Variants in IL15 observed in about 807,000 individuals in gnomAD.
IL15 encodes interleukin 15, also known as interleukin-15.
A neutral mutation model predicts 19.6 loss-of-function variants in IL15; 11 were observed. The ratio of observed to expected loss-of-function variants is 0.56; its 90% CI spans 0.35 to 0.93. IL15 has a LOEUF of 0.93. Ranked by LOEUF, IL15 falls within the 40% of genes least tolerant of loss-of-function variation. The pLI is 0.01. For missense variants in IL15, 197 were observed against 186.5 expected (o/e 1.06, Z -0.33); for synonymous variants, 58 against 59.6 (o/e 0.97, Z 0.12).
rs540264706 is a variant in IL15 at position 141,660,101 on chromosome 4, T to C, written c.-100+3794T>C. Among the ~76,000 whole-genome samples, 11 of 152,312 alleles carry C rather than the reference T, an allele frequency of 7.2e-5. No homozygotes were observed. In the South Asian group the frequency reaches 2.3e-3, roughly 32 times the overall value. ...CAAGAACCCAGAAAGGCACTATTTG[T>C]ATCAGTTAATCCCTTGAAGGTAGCT... is the stretch of plus-strand genomic sequence containing the variant. On this transcript the variant is annotated intron_variant, in intron 2 of 7. Coordinates refer to ENST00000320650, the MANE Select transcript of IL15 (RefSeq NM_000585.5).
intron 2 of IL15, among the ~76,000 whole-genome samples, chr4:141,678,653 G>A (rs1413052231): frequency 6.8e-6 from 1 of 147,290 alleles, no homozygotes; most frequent in East Asian, 2.0e-4. Context: ...CTAGGCTAGA[G>A]TGCAGTGGCA....
chr4:141,655,506 T>C (rs1398932541), intron 1 of IL15, among the ~76,000 whole-genome samples: 3 of 152,148 alleles, frequency 2.0e-5, no homozygotes, highest in African/African-American at 7.2e-5. Flanking sequence ...TCTTGGATCA[T>C]ACTGAAATTT....
intron 5 of IL15, 59 bp downstream of exon 5, chr4:141,722,067 C>G: frequency 6.8e-7 from 1 of 1,461,706 alleles, no homozygotes; most frequent in Non-Finnish European, 9.2e-7. Context: ...TTGTCTCTCT[C>G]TGTGTTTTTC....
At chr4:141,660,137 A>T in intron 2 of IL15, among the ~76,000 whole-genome samples, 1 of 152,050 alleles carries the variant, frequency 6.6e-6, no homozygotes, top group Admixed American at 6.5e-5. Context: ...TTTATTTTGG[A>T]TAGTCAACTG....
At chr4:141,698,728 C>G (rs1729184008) in intron 2 of IL15, among the ~76,000 whole-genome samples, 1 of 151,926 alleles carries the variant, frequency 6.6e-6, no homozygotes, top group Non-Finnish European at 1.5e-5. Context: ...CGTCTCTCTT[C>G]TTGGTTAATC....
At chr4:141,672,663 T>G (rs1415947521) in intron 2 of IL15, among the ~76,000 whole-genome samples, 1 of 152,154 alleles carries the variant, frequency 6.6e-6, no homozygotes, top group Non-Finnish European at 1.5e-5. Context: ...GAATCCTACT[T>G]TGAAAAATAT....
chr4:141,648,312 A>C (rs949581272), intron 1 of IL15, among the ~76,000 whole-genome samples: 6 of 152,084 alleles, frequency 3.9e-5, no homozygotes, highest in African/African-American at 1.4e-4. Context: ...ACGTTTGTTT[A>C]ATATTTTGTG....
At chr4:141,713,757 C>T (rs758281480) in intron 2 of IL15, among the ~76,000 whole-genome samples, 7 of 152,184 alleles carry the variant, frequency 4.6e-5, no homozygotes, top group Non-Finnish European at 1.0e-4. Flanking sequence ...TCACGTAACA[C>T]TACCTTTATG....
chr4:141,724,404 A>G (rs1192682031), intron 5 of IL15, among the ~76,000 whole-genome samples: 1 of 152,116 alleles, frequency 6.6e-6, no homozygotes, highest in African/African-American at 2.4e-5. Flanking sequence ...TACTGCTTCA[A>G]GAAACTAGAA....
chr4:141,730,996 G>C (rs945867214), intron 7 of IL15, among the ~76,000 whole-genome samples: 1 of 152,122 alleles, frequency 6.6e-6, no homozygotes, highest in Non-Finnish European at 1.5e-5. Context: ...GGGCACTGGG[G>C]CTCCAGTTAG....
At position 141,729,981 on chromosome 4, in the gene IL15, TG is replaced by T; in HGVS notation, c.378+1del. The T allele has an allele frequency of 6.2e-7, 1 of 1,609,462 alleles. No individual in the cohort carries two copies. Among genetic ancestry groups the T allele is most frequent in the Non-Finnish European group, 8.5e-7 (1 of 1,176,150 alleles). ...ILANNSLSSNGNVTESGCKEC... is the reference protein window; with the variant it reads ...ILANNSLSSNXNVTESGCKEC... ...TAGCAAACAACAGTTTGTCTTCTAATGGGGTGAGTTTTCCAACAGTTGCTTA... is the reference window on the plus strand; with the variant it reads ...TAGCAAACAACAGTTTGTCTTCTAATGGGTGAGTTTTCCAACAGTTGCTTA... On this transcript the variant is annotated frameshift_variant and splice_region_variant, in exon 7 of 8. Transcript: ENST00000320650. LOFTEE classifies it high-confidence loss of function.
At chr4:141,725,602 A>G (rs982577355) in intron 5 of IL15, among the ~76,000 whole-genome samples, 33 of 152,186 alleles carry the variant, frequency 2.2e-4, no homozygotes, top group African/African-American at 7.5e-4. Context: ...GCAGACTGAT[A>G]TAAACACCTA....
Position 141,729,897 on chromosome 4 carries a change from T to C in IL15, c.291T>C (p.Val97=). 6.3e-7 allele frequency: 1 copy of C among 1,583,330 alleles called. No homozygotes were observed. The highest frequency in any genetic ancestry group is 1.7e-4 in the Middle Eastern group (1 of 5,996). The change falls in exon 7 of 8, where the codon GTT becomes GTC. Residue 97 remains valine, a synonymous_variant. Transcript: ENST00000320650. The stretch of plus-strand genomic sequence containing the variant: ...AGTGCTTTCTCTTGGAGTTACAAGT[T>C]ATTTCACTTGAGTCCGGAGATGCAA... ...AMKCFLLELQ[V]ISLESGDASI... is the part of the protein sequence containing the mutation.
At chr4:141,675,098 C>G (rs762259838) in intron 2 of IL15, among the ~76,000 whole-genome samples, 3 of 151,506 alleles carry the variant, frequency 2.0e-5, no homozygotes, top group African/African-American at 7.3e-5. Context: ...CACTTATACC[C>G]ATTTTTTAAA....
intron 2 of IL15, among the ~76,000 whole-genome samples, chr4:141,674,352 C>T (rs779034426): frequency 1.1e-4 from 16 of 152,076 alleles, no homozygotes; most frequent in Non-Finnish European, 2.2e-4. Context: ...TAAGTCTGTT[C>T]AAAGTACAGG....
chr4:141,673,209 G>A (rs1292922359), intron 2 of IL15, among the ~76,000 whole-genome samples: 1 of 152,116 alleles, frequency 6.6e-6, no homozygotes, highest in African/African-American at 2.4e-5. Context: ...TCAGATAAAA[G>A]TACAATAGAA....
chr4:141,709,710 T>G (rs1465008921), intron 2 of IL15, among the ~76,000 whole-genome samples: 1 of 152,244 alleles, frequency 6.6e-6, no homozygotes. Context: ...GAAGCTATAC[T>G]GTTAGGTACA....
chr4:141,663,060 A>G (rs766978167), intron 2 of IL15, among the ~76,000 whole-genome samples: 125 of 152,284 alleles, frequency 8.2e-4, no homozygotes, highest in Non-Finnish European at 1.5e-3. Context: ...TAAAAAAATA[A>G]TATCATGATC....
intron 2 of IL15, among the ~76,000 whole-genome samples, chr4:141,657,666 A>G (rs936728060): frequency 1.3e-5 from 2 of 152,144 alleles, no homozygotes; most frequent in Non-Finnish European, 2.9e-5. Context: ...ACACAGAGTC[A>G]GGATCATCAA....
Sources: gnomAD v4.1 joint callset for allele counts (sites outside exome capture counted in the v4.1 genomes callset) on GRCh38, gnomAD v4.1.1 for gene constraint, MANE v1.5 for transcripts, NCBI Gene and HGNC (gene_info 2026-07-23, HGNC 2026-07-21) for gene names.